Variants in PDS5B observed in about 807,000 individuals in gnomAD.
PDS5B encodes sister chromatid cohesion protein PDS5 homolog B.
In PDS5B, 51 loss-of-function variants were observed where a neutral mutation model predicts 184.1. The ratio of observed to expected loss-of-function variants is 0.28; its 90% CI spans 0.22 to 0.35. PDS5B has a LOEUF of 0.35. Ranked by LOEUF, PDS5B falls within the 10% of genes least tolerant of loss-of-function variation. The pLI, the probability that PDS5B is intolerant of heterozygous loss-of-function variation, is 1.00. For missense variants in PDS5B, 1,180 were observed against 1,723.3 expected (o/e 0.68, Z 5.58); for synonymous variants, 566 against 569.2 (o/e 0.99, Z 0.08).
In PDS5B at chr13:32,775,874, T is replaced by G. The variant is rs1954942901; in HGVS notation, c.*822T>G. ...ATCATCCTTTCAGTTTTTATTAATC[T>G]ACTGTATCAATAAAATTCTGTAATT... On this transcript the variant is annotated 3_prime_UTR_variant, in exon 35 of 35. Transcript: ENST00000315596. 1.4e-5 allele frequency: 4 copies of G among 291,654 alleles called. No homozygotes were observed. The highest frequency in any genetic ancestry group is 1.2e-4 in the South Asian group (4 of 32,060). The allele number at this position is 291,654 out of a possible 1,614,324, so 18.1% of individuals were successfully genotyped here. A position where few individuals can be genotyped will look rare whatever the true frequency, so the allele number is the denominator to read the frequency against.
intron 1 of PDS5B, among the ~76,000 whole-genome samples, chr13:32,635,186 T>G (rs1473500902): frequency 3.8e-4 from 5 of 13,090 alleles, no homozygotes; most frequent in Admixed American, 9.0e-4. Flanking sequence ...TTTTTTTTTT[T>G]TTTTTTTTTT....
At chr13:32,592,728 C>CA (rs1254872465) in intron 1 of PDS5B, among the ~76,000 whole-genome samples, 4 of 152,076 alleles carry the variant, frequency 2.6e-5, no homozygotes, top group Non-Finnish European at 5.9e-5. Flanking sequence ...GAGCATATAT[C>CA]ACAATATATG....
At chr13:32,606,646 A>G (rs769490947) in intron 1 of PDS5B, among the ~76,000 whole-genome samples, 34 of 152,202 alleles carry the variant, frequency 2.2e-4, no homozygotes, top group Non-Finnish European at 3.8e-4. Flanking sequence ...CTCCTGGATA[A>G]TATCCTGAAG....
At chr13:32,749,842 G>A (rs1405581863) in intron 24 of PDS5B, among the ~76,000 whole-genome samples, 1 of 151,758 alleles carries the variant, frequency 6.6e-6, no homozygotes, top group Non-Finnish European at 1.5e-5. Context: ...GGGGGGCGGG[G>A]ACATTTGTAG....
At chr13:32,647,690 G>A (rs1950262179) in intron 1 of PDS5B, among the ~76,000 whole-genome samples, 1 of 151,918 alleles carries the variant, frequency 6.6e-6, no homozygotes, top group Non-Finnish European at 1.5e-5. Context: ...TTCTAGTTTA[G>A]TCTTTATAAT....
chr13:32,596,657 T>TGCC, intron 1 of PDS5B, among the ~76,000 whole-genome samples: 2 of 152,154 alleles, frequency 1.3e-5, no homozygotes, highest in African/African-American at 4.8e-5. Flanking sequence ...CAACACTTGG[T>TGCC]TAGTCAATCT....
chr13:32,763,502 A>C (rs973015032), intron 30 of PDS5B: 9 of 152,166 alleles, frequency 5.9e-5, no homozygotes, highest in African/African-American at 2.2e-4. Flanking sequence ...TTTGATGTCT[A>C]ACTAACCATG....
At chr13:32,628,878 T>A (rs1310354605) in intron 1 of PDS5B, among the ~76,000 whole-genome samples, 1 of 152,224 alleles carries the variant, frequency 6.6e-6, no homozygotes, top group East Asian at 1.9e-4. Flanking sequence ...TTTTTTCCAC[T>A]TGTTTTAAAC....
chr13:32,624,270 C>G (rs1318195088), intron 1 of PDS5B, among the ~76,000 whole-genome samples: 2 of 151,898 alleles, frequency 1.3e-5, no homozygotes, highest in African/African-American at 4.8e-5. Flanking sequence ...TTTTCTTTTA[C>G]TAAGATATCA....
chr13:32,731,252 T>C (rs955152947), intron 19 of PDS5B, among the ~76,000 whole-genome samples: 2 of 152,180 alleles, frequency 1.3e-5, no homozygotes, highest in Non-Finnish European at 2.9e-5. Context: ...TATCAGGCAA[T>C]GAGGAAGATA....
intron 3 of PDS5B, among the ~76,000 whole-genome samples, chr13:32,654,283 T>C (rs1183021744): frequency 2.0e-5 from 3 of 152,156 alleles, no homozygotes; most frequent in African/African-American, 7.2e-5. Context: ...GATTAGAAAA[T>C]TGTGATATTT....
At chr13:32,632,248 A>G (rs2058468513) in intron 1 of PDS5B, among the ~76,000 whole-genome samples, 1 of 152,222 alleles carries the variant, frequency 6.6e-6, no homozygotes, top group African/African-American at 2.4e-5. Flanking sequence ...CAACCTACAG[A>G]AGAAAATATT....
At chr13:32,665,912 A>G (rs1950782443) in intron 6 of PDS5B, among the ~76,000 whole-genome samples, 1 of 152,174 alleles carries the variant, frequency 6.6e-6, no homozygotes, top group South Asian at 2.1e-4. Context: ...GAGAACAGGA[A>G]GACAAATATG....
At chr13:32,699,955 T>C in intron 16 of PDS5B, 86 bp downstream of exon 16, 1 of 1,222,334 alleles carries the variant, frequency 8.2e-7, no homozygotes, top group Non-Finnish European at 1.1e-6. Flanking sequence ...TTTATATTCA[T>C]TATATTAAAT....
At chr13:32,686,204 T>C (rs915089316) in intron 11 of PDS5B, among the ~76,000 whole-genome samples, 2 of 152,210 alleles carry the variant, frequency 1.3e-5, no homozygotes, top group African/African-American at 2.4e-5. Flanking sequence ...AATGAACTTA[T>C]TCTAAGATAA....
intron 1 of PDS5B, among the ~76,000 whole-genome samples, chr13:32,603,250 C>A (rs2058006561): frequency 6.6e-6 from 1 of 152,160 alleles, no homozygotes; most frequent in Non-Finnish European, 1.5e-5. Flanking sequence ...AGTCTTTAAT[C>A]CGTCTGGAAT....
intron 24 of PDS5B, among the ~76,000 whole-genome samples, chr13:32,751,866 C>A (rs896419317): frequency 1.3e-5 from 2 of 151,944 alleles, no homozygotes; most frequent in African/African-American, 4.8e-5. Flanking sequence ...GTTTAGACTA[C>A]TTCTGTAAAA....
chr13:32,659,374 T>A, intron 6 of PDS5B, 94 bp downstream of exon 6: 1 of 888,080 alleles, frequency 1.1e-6, no homozygotes, highest in South Asian at 3.8e-5. Context: ...TATCCTGCTT[T>A]AATCTTTTAG....
At chr13:32,602,495 C>T (rs1023780904) in intron 1 of PDS5B, among the ~76,000 whole-genome samples, 2 of 152,158 alleles carry the variant, frequency 1.3e-5, no homozygotes, top group African/African-American at 4.8e-5. Context: ...TCCAGTCTAT[C>T]TTTGATGGAC....
Sources: gnomAD v4.1 joint callset for allele counts (sites outside exome capture counted in the v4.1 genomes callset) on GRCh38, gnomAD v4.1.1 for gene constraint, MANE v1.5 for transcripts, NCBI Gene and HGNC (gene_info 2026-07-23, HGNC 2026-07-21) for gene names.